Variants in WFDC8 observed in about 807,000 individuals in gnomAD.
The protein encoded by WFDC8 is WAP four-disulfide core domain 8, also known as WAP four-disulfide core domain protein 8.
WFDC8 carries 24 observed loss-of-function variants against 27.0 expected under a neutral mutation model. That is an observed-to-expected ratio of 0.89 (90% CI 0.64 to 1.25). The LOEUF (loss-of-function observed/expected upper bound fraction) is 1.25, where lower values mean the gene tolerates loss of function less well. Among genes scored for constraint, WFDC8 ranks in the 50% most tolerant of loss-of-function variants. The pLI is 0.00. For missense variants in WFDC8, 287 were observed against 295.9 expected (o/e 0.97, Z 0.22); for synonymous variants, 106 against 99.7 (o/e 1.06, Z -0.38).
intron 3 of WFDC8, 142 bp from the exon 4 acceptor site, chr20:45,556,010 G>A: frequency 1.3e-6 from 1 of 772,920 alleles, no homozygotes; most frequent in Non-Finnish European, 2.0e-6. Flanking sequence ...AAAGGCATAG[G>A]TTCTGGTCCC....
Position 45,558,817 on chromosome 20 carries a change from T to C in WFDC8, c.277+35A>G, listed in dbSNP as rs756719507. Reference sequence around the variant, plus strand: ...AGCCAGTTTTGGACAGAGCAAGAAGTGGGGAACCTCTGTCCTCAGCCTGGA... The same window carrying C: ...AGCCAGTTTTGGACAGAGCAAGAAGCGGGGAACCTCTGTCCTCAGCCTGGA... On this transcript the variant is annotated intron_variant, in intron 3 of 5. Transcript: ENST00000289953. The C allele has an allele frequency of 4.3e-6, 7 of 1,612,784 alleles. No individual in the cohort carries two copies. The South Asian group carries it at 4.4e-5, about 10-fold the overall frequency.
intron 5 of WFDC8, 46 bp downstream of exon 5, chr20:45,553,090 T>G (rs1293217563): frequency 6.3e-7 from 1 of 1,580,226 alleles, no homozygotes; most frequent in South Asian, 1.2e-5. Flanking sequence ...CATGACATCC[T>G]TGGCACATGC....
At chr20:45,561,181 A>G (rs1248218996) in intron 2 of WFDC8, among the ~76,000 whole-genome samples, 1 of 152,108 alleles carries the variant, frequency 6.6e-6, no homozygotes, top group Admixed American at 6.5e-5. Flanking sequence ...GTTTCTCTGC[A>G]TCTACTGGGG....
intron 1 of WFDC8, among the ~76,000 whole-genome samples, chr20:45,575,058 C>T (rs1278672671): frequency 6.6e-6 from 1 of 152,190 alleles, no homozygotes. Flanking sequence ...GACAAGCCCA[C>T]AGCTCTTATA....
chr20:45,554,092 C>T (rs1227182912), intron 4 of WFDC8, among the ~76,000 whole-genome samples: 1 of 152,076 alleles, frequency 6.6e-6, no homozygotes, highest in African/African-American at 2.4e-5. Context: ...GTGGGAATAC[C>T]TCCTCAAGTG....
chr20:45,574,981 TATG>T, intron 1 of WFDC8, among the ~76,000 whole-genome samples: 1 of 152,166 alleles, frequency 6.6e-6, no homozygotes, highest in Non-Finnish European at 1.5e-5. Context: ...TCAACATTTT[TATG>T]ATAAAAAATC....
chr20:45,575,913 T>A (rs1217953100), intron 1 of WFDC8, among the ~76,000 whole-genome samples: 2 of 151,326 alleles, frequency 1.3e-5, no homozygotes, highest in Non-Finnish European at 3.0e-5. Context: ...CAACCAGATA[T>A]GTGCCTCTAG....
intron 1 of WFDC8, among the ~76,000 whole-genome samples, chr20:45,565,021 A>AAAGAAAGAAAGAAAGG (rs144470212): frequency 4.1e-5 from 6 of 146,538 alleles, no homozygotes; most frequent in Admixed American, 6.9e-5. Flanking sequence ...AAAGAGAAAG[A>AAAGAAAGAAAGAAAGG]AAGGAAGGAA....
At chr20:45,561,534 T>C (rs1980468034) in intron 2 of WFDC8, among the ~76,000 whole-genome samples, 1 of 152,142 alleles carries the variant, frequency 6.6e-6, no homozygotes, top group Admixed American at 6.6e-5. Flanking sequence ...CACCCCAGTA[T>C]CCCATCACTC....
At chr20:45,552,234 T>A in intron 5 of WFDC8, 69 bp from the exon 6 acceptor site, 7 of 1,573,356 alleles carry the variant, frequency 4.4e-6, no homozygotes, top group Non-Finnish European at 6.1e-6. Context: ...ATTTGAGGAA[T>A]CTTGGGAATC....
At position 45,553,069 on chromosome 20, in the gene WFDC8, C is replaced by T. The variant is rs149024296; in HGVS notation, c.586+67G>A. On this transcript the variant is annotated intron_variant, in intron 5 of 5. Coordinates refer to ENST00000289953, the MANE Select transcript of WFDC8 (RefSeq NM_130896.3). ...CTGAGGTTCAAGACACCCCCCACTC[C>T]ATGGAGACAGCATGACATCCTTGGC... 2.6e-5 allele frequency: 41 copies of T among 1,550,154 alleles called. No homozygotes were observed. In the East Asian group the frequency reaches 8.8e-4, roughly 33 times the overall value.
intron 3 of WFDC8, 141 bp from the exon 4 acceptor site, chr20:45,556,009 G>T (rs1980234105): frequency 3.8e-6 from 3 of 780,738 alleles, no homozygotes; most frequent in Non-Finnish European, 4.0e-6. Flanking sequence ...AAAAGGCATA[G>T]GTTCTGGTCC....
chr20:45,555,964 C>A, intron 3 of WFDC8, 96 bp from the exon 4 acceptor site: 2 of 1,305,430 alleles, frequency 1.5e-6, no homozygotes, highest in South Asian at 1.4e-5. Flanking sequence ...GGTGTTATCA[C>A]CCAAGTCATA....
intron 1 of WFDC8, among the ~76,000 whole-genome samples, chr20:45,575,461 T>C (rs1441956865): frequency 6.6e-6 from 1 of 151,684 alleles, no homozygotes; most frequent in East Asian, 1.9e-4. Flanking sequence ...ACAAAGGATA[T>C]GAAAGATCTG....
intron 1 of WFDC8, among the ~76,000 whole-genome samples, chr20:45,572,905 C>G (rs535113340): frequency 6.6e-6 from 1 of 152,220 alleles, no homozygotes; most frequent in Non-Finnish European, 1.5e-5. Flanking sequence ...CCGCGCCCAG[C>G]CTTTGTATGC....
At chr20:45,572,240 A>G (rs770947840) in intron 1 of WFDC8, among the ~76,000 whole-genome samples, 3 of 152,048 alleles carry the variant, frequency 2.0e-5, no homozygotes, top group Admixed American at 6.5e-5. Flanking sequence ...TACTAAAAAT[A>G]CAAAAAAGTA....
chr20:45,570,786 C>T (rs1046651281), intron 1 of WFDC8, among the ~76,000 whole-genome samples: 1 of 152,208 alleles, frequency 6.6e-6, no homozygotes, highest in Non-Finnish European at 1.5e-5. Context: ...GCATGCACTA[C>T]TCTCCTAAGA....
rs771015184 is a variant in WFDC8, at chr20:45,555,845, G to A, written c.301C>T (p.His101Tyr). ...FQEPCMLPVR[H>Y]GNCNHEAQRW... ...TGTGCCTCATGATTACAGTTTCCAT[G>A]CCTCACAGGTAGCATGCAGGGTTCT... The change falls in exon 4 of 6, where the codon CAT (histidine) becomes TAT (tyrosine). Residue 101 changes from histidine to tyrosine, a missense_variant. Coordinates refer to ENST00000289953, the MANE Select transcript of WFDC8 (RefSeq NM_130896.3). 2 of 1,613,962 alleles carry A rather than the reference G, an allele frequency of 1.2e-6. No homozygotes were observed. The highest frequency in any genetic ancestry group is 1.7e-5 in the Admixed American group (1 of 60,006).
chr20:45,560,212 T>A (rs1474474903), intron 2 of WFDC8, among the ~76,000 whole-genome samples: 5 of 152,182 alleles, frequency 3.3e-5, no homozygotes, highest in African/African-American at 1.2e-4. Flanking sequence ...TTGAAGATGG[T>A]TGAGGCCAAG....
Sources: allele counts gnomAD v4.1 joint callset (sites outside exome capture counted in the v4.1 genomes callset), GRCh38; gene constraint gnomAD v4.1.1; transcripts MANE v1.5; gene names NCBI Gene and HGNC (gene_info 2026-07-23, HGNC 2026-07-21).